CLASP1: variants seen among roughly 807,000 people sequenced by gnomAD.
CLASP1 encodes cytoplasmic linker associated protein 1.
In CLASP1, 38 loss-of-function variants were observed where a neutral mutation model predicts 192.3. The observed-to-expected ratio is 0.20, with a 90% CI of 0.15 to 0.26. The LOEUF is 0.26. Ranked by LOEUF, CLASP1 falls within the 10% of genes least tolerant of loss-of-function variation. The pLI is 1.00. For missense variants in CLASP1, 1,433 were observed against 1,932.5 expected, an observed-to-expected ratio of 0.74 and a Z score of 4.85; for synonymous variants, 691 against 712.8, an observed-to-expected ratio of 0.97 and a Z score of 0.49.
At chr2:121,524,345 A>G (rs974653050) in intron 6 of CLASP1, among the ~76,000 whole-genome samples, 7 of 152,258 alleles carry the variant, frequency 4.6e-5, no homozygotes, top group African/African-American at 1.4e-4. Flanking sequence ...CTATTTGGTA[A>G]CTTAGAATCT....
In CLASP1 at chr2:121,541,970, A is replaced by G. The variant is rs999351986; in HGVS notation, c.196-11645T>C. 5.9e-5 allele frequency among the ~76,000 whole-genome samples: 9 copies of G among 152,164 alleles called. No individual in the cohort carries two copies. The East Asian group carries it at 1.5e-3, about 26-fold the overall frequency. On this transcript the variant is annotated intron_variant, in intron 2 of 39. Transcript: ENST00000263710. ...AGGCATGAAATCTAGAAAAGAAAATAAGGTTGCCTAAAATTCCATCACTCA... is the reference window on the plus strand; with the variant it reads ...AGGCATGAAATCTAGAAAAGAAAATGAGGTTGCCTAAAATTCCATCACTCA...
chr2:121,548,102 G>A (rs2057651797), intron 2 of CLASP1, among the ~76,000 whole-genome samples: 1 of 152,172 alleles, frequency 6.6e-6, no homozygotes, highest in African/African-American at 2.4e-5. Context: ...TTTAGAATAT[G>A]GATAGGAACC....
intron 7 of CLASP1, among the ~76,000 whole-genome samples, chr2:121,506,465 G>T (rs1222250177): frequency 6.6e-6 from 1 of 151,874 alleles, no homozygotes; most frequent in Non-Finnish European, 1.5e-5. Flanking sequence ...ATAACAACTG[G>T]GGCAAAGAAG....
At chr2:121,376,526 T>TGGGGGGGGGGGGG (rs61313144) in intron 34 of CLASP1, among the ~76,000 whole-genome samples, 1 of 105,134 alleles carries the variant, frequency 9.5e-6, no homozygotes, top group African/African-American at 3.7e-5. Context: ...TGGGAAGGGG[T>TGGGGGGGGGGGGG]GGGGGGGGGG....
At chr2:121,418,190 T>C (rs2078927193) in intron 23 of CLASP1, among the ~76,000 whole-genome samples, 1 of 152,270 alleles carries the variant, frequency 6.6e-6, no homozygotes, top group Non-Finnish European at 1.5e-5. Context: ...ATTATCGCTA[T>C]TGTACTTTTG....
intron 20 of CLASP1, 77 bp downstream of exon 20, chr2:121,429,996 G>T: frequency 9.0e-7 from 1 of 1,107,692 alleles, no homozygotes; most frequent in Non-Finnish European, 1.3e-6. Context: ...TCAATATAGA[G>T]ATTGTAAAAT....
chr2:121,585,494 T>C (rs1337179573), intron 2 of CLASP1, among the ~76,000 whole-genome samples: 1 of 152,124 alleles, frequency 6.6e-6, no homozygotes, highest in East Asian at 1.9e-4. Context: ...CGTTCCCATT[T>C]CTAGGACCGC....
chr2:121,605,412 C>A (rs1378223829), intron 2 of CLASP1, among the ~76,000 whole-genome samples: 1 of 152,238 alleles, frequency 6.6e-6, no homozygotes, highest in Non-Finnish European at 1.5e-5. Context: ...ACATTAACTT[C>A]AAGGCTACAA....
intron 19 of CLASP1, among the ~76,000 whole-genome samples, chr2:121,438,873 T>C (rs1470105214): frequency 6.6e-6 from 1 of 151,158 alleles, no homozygotes; most frequent in Admixed American, 6.6e-5. Flanking sequence ...TTCCCTCTTT[T>C]TCTATTGATT....
At chr2:121,375,069 A>T (rs2069711805) in intron 34 of CLASP1, among the ~76,000 whole-genome samples, 1 of 152,170 alleles carries the variant, frequency 6.6e-6, no homozygotes, top group Non-Finnish European at 1.5e-5. Flanking sequence ...TCTCATGTCA[A>T]ACTGTAATTC....
chr2:121,570,948 G>A (rs1263118071), intron 2 of CLASP1, among the ~76,000 whole-genome samples: 1 of 151,850 alleles, frequency 6.6e-6, no homozygotes, highest in Non-Finnish European at 1.5e-5. Context: ...ACGGGATTTG[G>A]ATGCCCATTA....
chr2:121,555,988 C>CTTTTTTTTTTTTTTTTTT lies in CLASP1; in HGVS notation c.196-25681_196-25664dup, dbSNP rs34423741. On this transcript the variant is annotated intron_variant, in intron 2 of 39. Transcript: ENST00000263710. Reference sequence around the variant, plus strand: ...CACGGCGCCTGCCCCCTACCCACCGCTTTTTTTTTTTTTTTTTTTTTTTTT... The same window carrying CTTTTTTTTTTTTTTTTTT: ...CACGGCGCCTGCCCCCTACCCACCGCTTTTTTTTTTTTTTTTTTTTTTTTTTTTTTTTTTTTTTTTTTT... 9.4e-5 allele frequency among the ~76,000 whole-genome samples: 4 copies of CTTTTTTTTTTTTTTTTTT among 42,394 alleles called. 1 individual carries two copies. The highest frequency in any genetic ancestry group is 4.4e-4 in the African/African-American group (4 of 9,090). 27.8% of individuals were successfully genotyped at this position (42,394 alleles called of 152,430 possible). A position where few individuals can be genotyped will look rare whatever the true frequency, so the allele number is the denominator to read the frequency against.
intron 24 of CLASP1, among the ~76,000 whole-genome samples, chr2:121,408,543 T>C (rs2077236630): frequency 6.6e-6 from 1 of 152,246 alleles, no homozygotes; most frequent in Admixed American, 6.5e-5. Context: ...AATATACTTC[T>C]TTAATAATAT....
At chr2:121,470,195 G>GA (rs2090423307) in intron 8 of CLASP1, 1 of 546,394 alleles carries the variant, frequency 1.8e-6, no homozygotes, top group Non-Finnish European at 3.4e-6. Context: ...CTCAAATTTT[G>GA]AAAAATAGAA....
chr2:121,634,671 T>C (rs1470793403), intron 1 of CLASP1, among the ~76,000 whole-genome samples: 2 of 152,186 alleles, frequency 1.3e-5, no homozygotes, highest in Non-Finnish European at 2.9e-5. Context: ...CCACTATGTT[T>C]ACTTTAGAAA....
At position 121,486,480 on chromosome 2, in the gene CLASP1, G is replaced by C. The variant is rs974525669; in HGVS notation, c.713-16520C>G. On this transcript the variant is annotated intron_variant, in intron 8 of 39. Transcript: ENST00000263710. ...TGATTAAATGTTCATTTCTCCCTTT[G>C]ATCACAGTACTTATTTTACCTTCCA... Among the ~76,000 whole-genome samples the C allele has an allele frequency of 3.2e-4, 48 of 152,072 alleles. 1 individual carries two copies. Among genetic ancestry groups the C allele is most frequent in the Admixed American group, 6.5e-4 (10 of 15,286 alleles).
chr2:121,423,111 A>T (rs1380651106), intron 22 of CLASP1, among the ~76,000 whole-genome samples: 2 of 152,104 alleles, frequency 1.3e-5, no homozygotes, highest in Non-Finnish European at 2.9e-5. Context: ...AAAAATGAAA[A>T]TACATTTTAT....
intron 22 of CLASP1, among the ~76,000 whole-genome samples, chr2:121,419,829 G>A (rs575350154): frequency 6.6e-6 from 1 of 152,236 alleles, no homozygotes; most frequent in Non-Finnish European, 1.5e-5. Flanking sequence ...CATCCTGAGA[G>A]GATGGACTGG....
intron 1 of CLASP1, among the ~76,000 whole-genome samples, chr2:121,643,755 T>C (rs899062124): frequency 2.6e-5 from 4 of 152,202 alleles, no homozygotes; most frequent in Admixed American, 1.3e-4. Context: ...TTGAATCTTT[T>C]AGGAACATCT....
Sources: gnomAD v4.1 joint callset for allele counts (sites outside exome capture counted in the v4.1 genomes callset) on GRCh38, gnomAD v4.1.1 for gene constraint, MANE v1.5 for transcripts, NCBI Gene and HGNC (gene_info 2026-07-23, HGNC 2026-07-21) for gene names.